OARD1: variants seen among roughly 807,000 people sequenced by gnomAD.
OARD1 encodes the protein ADP-ribose glycohydrolase OARD1.
In OARD1, 19 loss-of-function variants were observed where a neutral mutation model predicts 19.7. The observed-to-expected ratio is 0.96, with a 90% CI of 0.67 to 1.41. OARD1 has a LOEUF of 1.41. OARD1 is among the 40% of genes most tolerant of loss of function. OARD1 has a pLI of 0.00. For missense variants in OARD1, 190 were observed against 183.8 expected (o/e 1.03, Z -0.20); for synonymous variants, 70 against 61.8 (o/e 1.13, Z -0.62).
At chr6:41,097,207 A>G (rs1764382720) in intron 1 of OARD1, 3 of 685,278 alleles carry the variant, frequency 4.4e-6, no homozygotes, top group Admixed American at 2.4e-5. Flanking sequence ...GCTACACTTT[A>G]AGCCATGTAT....
At chr6:41,079,239 G>C in intron 1 of OARD1, 1 of 1,370,018 alleles carries the variant, frequency 7.3e-7, no homozygotes, top group Non-Finnish European at 1.0e-6. Context: ...TTGGTCTATT[G>C]CCCTGGGGAA....
At chr6:41,097,676 A>C (rs1005229599) in intron 1 of OARD1, 4 of 390,506 alleles carry the variant, frequency 1.0e-5, no homozygotes, top group Admixed American at 8.4e-5. Flanking sequence ...TGATGCAAGG[A>C]GACACATGCC....
chr6:41,092,233 G>A lies in OARD1; in HGVS notation c.-42+5480C>T, dbSNP rs371646802. Among the ~76,000 whole-genome samples the A allele has an allele frequency of 3.8e-3, 580 of 152,276 alleles. 11 individuals carry two copies. The South Asian group carries it at 0.059, about 16-fold the overall frequency. On this transcript the variant is annotated intron_variant, in intron 1 of 4. Coordinates refer to the OARD1 transcript ENST00000480585. ...ACAGAGGTGGAGGAAGCTATGAAAA[G>A]AAACAGAACCAACCCTGGCTCAGTG...
chr6:41,070,048 A>C (rs1321210328), intron 4 of OARD1, 28 bp downstream of exon 4: 1 of 1,341,342 alleles, frequency 7.5e-7, no homozygotes, highest in Non-Finnish European at 1.1e-6. Flanking sequence ...ACTGGCCCTG[A>C]AAAAAAAAGG....
At position 41,066,681 on chromosome 6, in the gene OARD1, C is replaced by G. The variant is rs187275273; in HGVS notation, c.*654G>C. On this transcript the variant is annotated 3_prime_UTR_variant, in exon 6 of 6. Coordinates refer to ENST00000424266, the MANE Select transcript of OARD1 (RefSeq NM_001329686.2). Reference sequence around the variant, plus strand: ...GTCTATTTTTATCTCTTATTTCTCACTTTGCTTCTCCTCCCGCTTGGACCC... The same window carrying G: ...GTCTATTTTTATCTCTTATTTCTCAGTTTGCTTCTCCTCCCGCTTGGACCC... 1.7e-4 allele frequency: 26 copies of G among 152,322 alleles called. No individual in the cohort carries two copies. Among genetic ancestry groups the G allele is most frequent in the Admixed American group, 1.6e-3 (24 of 15,298 alleles). The allele number at this position is 152,322 out of a possible 1,614,324, so 9.4% of individuals were successfully genotyped here.
chr6:41,089,853 C>T (rs1764154098), intron 1 of OARD1: 2 of 1,162,450 alleles, frequency 1.7e-6, no homozygotes. Context: ...GGCGCGGTGG[C>T]TCATGCCTGT....
chr6:41,069,905 C>T, intron 4 of OARD1, 171 bp downstream of exon 4: 1 of 673,872 alleles, frequency 1.5e-6, no homozygotes, highest in Non-Finnish European at 2.7e-6. Context: ...CTCCAAGTAG[C>T]CGCCATCACT....
At chr6:41,067,688 C>T (rs1332569296) in intron 5 of OARD1, among the ~76,000 whole-genome samples, 1 of 152,208 alleles carries the variant, frequency 6.6e-6, no homozygotes, top group Non-Finnish European at 1.5e-5. Flanking sequence ...CTATTTCATG[C>T]TACATTTAGA....
chr6:41,072,015 A>G (rs568521791), intron 1 of OARD1, among the ~76,000 whole-genome samples: 2 of 152,340 alleles, frequency 1.3e-5, no homozygotes, highest in Admixed American at 1.3e-4. Context: ...TGCACGACGC[A>G]AAAGTATTTC....
intron 1 of OARD1, among the ~76,000 whole-genome samples, chr6:41,077,953 T>A (rs905917115): frequency 6.6e-6 from 1 of 152,182 alleles, no homozygotes; most frequent in African/African-American, 2.4e-5. Flanking sequence ...TTAAATTTTG[T>A]TATATTTTTC....
chr6:41,073,606 C>T (rs1763615592), upstream of OARD1, among the ~76,000 whole-genome samples: 1 of 152,144 alleles, frequency 6.6e-6, no homozygotes. Flanking sequence ...GTCTTATCTG[C>T]AGCCCCTCTA....
At chr6:41,093,010 A>G (rs778991514) in intron 1 of OARD1, 6 of 1,614,074 alleles carry the variant, frequency 3.7e-6, no homozygotes, top group Non-Finnish European at 5.1e-6. Flanking sequence ...ATGCCAAACA[A>G]TACCACCGTA....
intron 1 of OARD1, chr6:41,097,384 A>G (rs762824506): frequency 1.5e-5 from 24 of 1,613,920 alleles, no homozygotes; most frequent in Non-Finnish European, 1.8e-5. Context: ...TGAAGAAGCA[A>G]TGACACAGAT....
intron 1 of OARD1, chr6:41,084,051 A>G: frequency 6.2e-7 from 1 of 1,602,296 alleles, no homozygotes; most frequent in Non-Finnish European, 8.5e-7. Flanking sequence ...TCTAGGTCCA[A>G]GGGCAGCCAT....
chr6:41,080,808 C>G, intron 1 of OARD1: 1 of 1,612,662 alleles, frequency 6.2e-7, no homozygotes. Flanking sequence ...TTCCTGTTCT[C>G]AGCAGCAGGG....
intron 1 of OARD1, chr6:41,094,630 T>A: frequency 1.6e-6 from 1 of 631,218 alleles, no homozygotes; most frequent in East Asian, 2.8e-5. Flanking sequence ...TGCAATCTTA[T>A]GTCTCTTTAG....
At chr6:41,075,574 T>C (rs1196592730), upstream of OARD1, 1 of 152,208 alleles carries the variant, frequency 6.6e-6, no homozygotes, top group Non-Finnish European at 1.5e-5. Flanking sequence ...TAGTCCACTG[T>C]TCACATGCTG....
chr6:41,089,615 G>C (rs750819824), intron 1 of OARD1: 1 of 1,612,604 alleles, frequency 6.2e-7, no homozygotes, highest in East Asian at 2.2e-5. Flanking sequence ...CCAGATCCAG[G>C]GTGGACAGGC....
chr6:41,087,975 G>C (rs1764091415), intron 1 of OARD1, among the ~76,000 whole-genome samples: 1 of 152,124 alleles, frequency 6.6e-6, no homozygotes, highest in Non-Finnish European at 1.5e-5. Flanking sequence ...CCAAATAGGA[G>C]ATACAAATTA....
Sources: gnomAD v4.1 joint callset for allele counts (sites outside exome capture counted in the v4.1 genomes callset) on GRCh38, gnomAD v4.1.1 for gene constraint, MANE v1.5 for transcripts, NCBI Gene and HGNC (gene_info 2026-07-23, HGNC 2026-07-21) for gene names.